NTPCR: variants seen among roughly 807,000 people sequenced by gnomAD.
The protein encoded by NTPCR is nucleoside-triphosphatase, cancer-related, also known as cancer-related nucleoside-triphosphatase.
NTPCR carries 15 observed loss-of-function variants against 19.5 expected under a neutral mutation model. The ratio of observed to expected loss-of-function variants is 0.77; its 90% confidence interval spans 0.51 to 1.18. The LOEUF (loss-of-function observed/expected upper bound fraction) is 1.18, where lower values mean the gene tolerates loss of function less well. Among genes scored for constraint, NTPCR ranks in the 50% most tolerant of loss-of-function variants. NTPCR has a pLI of 0.00. For synonymous variants in NTPCR, 90 were observed against 95.8 expected (o/e 0.94, Z 0.36); for missense variants, 206 against 240.4 (o/e 0.86, Z 0.95).
chr1:232,973,759 G>A (rs1484003343), intron 4 of NTPCR, among the ~76,000 whole-genome samples: 2 of 152,158 alleles, frequency 1.3e-5, no homozygotes, highest in African/African-American at 4.8e-5. Flanking sequence ...GAAAATTTTA[G>A]AACTATACAA....
In NTPCR at chr1:232,980,544, C is replaced by T. The variant is rs931146644; in HGVS notation, c.*2313C>T. 5.9e-5 allele frequency: 9 copies of T among 152,250 alleles called. No homozygotes were observed. The highest frequency in any genetic ancestry group is 2.2e-4 in the African/African-American group (9 of 41,528). 9.4% of individuals were successfully genotyped at this position (152,250 alleles called of 1,614,324 possible). On this transcript the variant is annotated 3_prime_UTR_variant, in exon 5 of 5. Transcript: ENST00000366628. ...GTTTAGTGTCTCTTGTGGTGAGGTCCTGAAATGATTGTTGTATTAGTCAAA... is the reference window on the plus strand; with the variant it reads ...GTTTAGTGTCTCTTGTGGTGAGGTCTTGAAATGATTGTTGTATTAGTCAAA...
chr1:232,969,858 C>T (rs775750468), intron 3 of NTPCR, 51 bp from the exon 4 acceptor site: 1 of 1,490,756 alleles, frequency 6.7e-7, no homozygotes, highest in South Asian at 1.1e-5. Flanking sequence ...CCCATGGGCC[C>T]TTTGATTAAT....
chr1:232,954,914 A>T (rs1362455418), intron 1 of NTPCR, among the ~76,000 whole-genome samples: 1 of 152,086 alleles, frequency 6.6e-6, no homozygotes, highest in East Asian at 1.9e-4. Flanking sequence ...GGTGTGGGGG[A>T]TAAAGGTGAA....
At chr1:232,958,938 A>C (rs1052743837) in intron 3 of NTPCR, among the ~76,000 whole-genome samples, 1 of 152,204 alleles carries the variant, frequency 6.6e-6, no homozygotes, top group Non-Finnish European at 1.5e-5. Flanking sequence ...GCAAGATTAT[A>C]TAAGAGATCA....
rs1669221428 is a variant in NTPCR, at chr1:232,979,022, A to C, written c.*791A>C. On this transcript the variant is annotated 3_prime_UTR_variant, in exon 5 of 5. Coordinates refer to ENST00000366628, the MANE Select transcript of NTPCR (RefSeq NM_032324.3). This position sits in a 1 kb window ranked among gnomAD's most constrained non-coding sequence, Gnocchi z 5.3. ...GAGTGATGTCACACCACAGAAGGAA[A>C]CTGTCAACCACTCCACACAACTGTG... 2 of 152,180 alleles carry C rather than the reference A, an allele frequency of 1.3e-5. No homozygotes were observed. The highest frequency in any genetic ancestry group is 4.8e-5 in the African/African-American group (2 of 41,434). The allele number at this position is 152,180 out of a possible 1,614,324, so 9.4% of individuals were successfully genotyped here. A position where few individuals can be genotyped will look rare whatever the true frequency, so the allele number is the denominator to read the frequency against.
chr1:232,952,268 G>A (rs989780633), intron 1 of NTPCR, among the ~76,000 whole-genome samples: 1 of 152,104 alleles, frequency 6.6e-6, no homozygotes, highest in African/African-American at 2.4e-5. Flanking sequence ...GGAGTGCAGT[G>A]AAACAGTTAT....
At chr1:232,975,250 A>G (rs894323663) in intron 4 of NTPCR, among the ~76,000 whole-genome samples, 1 of 152,122 alleles carries the variant, frequency 6.6e-6, no homozygotes, top group African/African-American at 2.4e-5. Context: ...GTTTAATATG[A>G]TCAGTGTCTG....
At chr1:232,966,920 C>T (rs1668834421) in intron 3 of NTPCR, 1 of 152,156 alleles carries the variant, frequency 6.6e-6, no homozygotes, top group Non-Finnish European at 1.5e-5. Flanking sequence ...GTGTGTACAC[C>T]CCAGATGGTG....
At chr1:232,977,253 C>G (rs1669149812) in intron 4 of NTPCR, 1 of 152,784 alleles carries the variant, frequency 6.5e-6, no homozygotes, top group Non-Finnish European at 1.5e-5. Context: ...TTCCTGCCTG[C>G]CCCCCAGACT....
rs779648800 is a variant in NTPCR at position 232,956,332 on chromosome 1, T to C, written c.198-15T>C. On this transcript the variant is annotated splice_polypyrimidine_tract_variant and intron_variant, in intron 2 of 4. Transcript: ENST00000366628. ...AGGAGTTTTTCAACAAAGAACATAA[T>C]GTCTTTTCCTTCAGGTTAGAGCCTC... 1 of 1,595,912 alleles carries C rather than the reference T, an allele frequency of 6.3e-7. No homozygotes were observed. The highest frequency in any genetic ancestry group is 8.6e-7 in the Non-Finnish European group (1 of 1,163,710).
At chr1:232,966,552 C>G (rs541922358) in intron 3 of NTPCR, 2 of 152,240 alleles carry the variant, frequency 1.3e-5, no homozygotes, top group African/African-American at 2.4e-5. Flanking sequence ...CCAAAAAAAT[C>G]ACACTATTTT....
At chr1:232,962,584 C>G (rs964564300) in intron 3 of NTPCR, 21 of 152,142 alleles carry the variant, frequency 1.4e-4, no homozygotes, top group African/African-American at 5.1e-4. Flanking sequence ...AACATATCTC[C>G]TACTCACACA....
intron 2 of NTPCR, 66 bp from the exon 3 acceptor site, chr1:232,956,281 A>G (rs771046692): frequency 5.5e-6 from 6 of 1,090,368 alleles, no homozygotes; most frequent in Non-Finnish European, 8.4e-6. Flanking sequence ...GGCTCAGTGG[A>G]GCAGCTAAAA....
chr1:232,961,293 G>C (rs1167467352), intron 3 of NTPCR, among the ~76,000 whole-genome samples: 1 of 152,216 alleles, frequency 6.6e-6, no homozygotes, highest in East Asian at 1.9e-4. Context: ...GGTCTAAAAG[G>C]TGAAGTCTGA....
intron 3 of NTPCR, among the ~76,000 whole-genome samples, chr1:232,958,335 C>G (rs1047006973): frequency 6.6e-6 from 1 of 152,232 alleles, no homozygotes; most frequent in African/African-American, 2.4e-5. Flanking sequence ...TTCAATCAGA[C>G]TTCCCACATA....
At chr1:232,950,968 G>T (rs1035054352) in intron 1 of NTPCR, 1 of 492,290 alleles carries the variant, frequency 2.0e-6, no homozygotes, top group East Asian at 3.6e-5. Flanking sequence ...CTTGTGAGGG[G>T]GTCCTAGACT....
At chr1:232,959,165 G>C (rs1313687205) in intron 3 of NTPCR, among the ~76,000 whole-genome samples, 3 of 152,116 alleles carry the variant, frequency 2.0e-5, no homozygotes, top group Non-Finnish European at 1.5e-5. Flanking sequence ...GAGACCTGAA[G>C]GGAGGTGATT....
chr1:232,950,660 C>T lies in NTPCR; in HGVS notation c.-51C>T, dbSNP rs761562594. 6.6e-7 allele frequency: 1 copy of T among 1,514,588 alleles called. No homozygotes were observed. Among genetic ancestry groups the T allele is most frequent in the Admixed American group, 1.7e-5 (1 of 59,708 alleles). 93.8% of individuals were successfully genotyped at this position (1,514,588 alleles called of 1,614,324 possible). On this transcript the variant is annotated 5_prime_UTR_variant, in exon 1 of 5. Transcript: ENST00000366628. ...GGTCCGGACCTGACCTGAATTGCGA[C>T]CCCAACCTGGACTGCTCCCCTGACC...
Position 232,983,557 on chromosome 1 carries a change from C to T in NTPCR, c.*5326C>T, listed in dbSNP as rs191971883. The T allele has an allele frequency of 5.3e-5, 8 of 152,324 alleles. No individual in the cohort carries two copies. In the East Asian group the frequency reaches 1.4e-3, roughly 26 times the overall value. The allele number at this position is 152,324 out of a possible 1,614,324, so 9.4% of individuals were successfully genotyped here. ...AAGCCCGCAGGGTGCTGGCGGCCCACCAATCGCCTGGACTACAGTGAGGAG... is the reference window on the plus strand; with the variant it reads ...AAGCCCGCAGGGTGCTGGCGGCCCATCAATCGCCTGGACTACAGTGAGGAG... On this transcript the variant is annotated 3_prime_UTR_variant, in exon 5 of 5. Transcript: ENST00000366628.
Sources: allele counts gnomAD v4.1 joint callset (sites outside exome capture counted in the v4.1 genomes callset), GRCh38; gene constraint gnomAD v4.1.1; non-coding constraint Gnocchi (gnomAD v3.1); transcripts MANE v1.5; gene names NCBI Gene and HGNC (gene_info 2026-07-23, HGNC 2026-07-21).